The following MUC22 variants were observed in gnomAD, a reference collection of about 807,000 sequenced individuals.
MUC22 encodes mucin 22, also known as mucin-22.
Under a neutral mutation model 40.3 loss-of-function variants are expected in MUC22, and 24 were observed. The observed-to-expected ratio is 0.60, with a 90% CI of 0.43 to 0.84. The LOEUF (loss-of-function observed/expected upper bound fraction) is 0.84. MUC22 is among the 40% of genes least tolerant of loss of function. The pLI is 0.00. For synonymous variants in MUC22, 765 were observed against 844.5 expected, an observed-to-expected ratio of 0.91 and a Z score of 1.63; for missense variants, 1,926 against 2,130.7, an observed-to-expected ratio of 0.90 and a Z score of 1.89.
In MUC22 at chr6:31,011,077, CT is replaced by C. The variant is rs1763838258; in HGVS notation, c.70+304del. Among the ~76,000 whole-genome samples, 2 of 145,410 alleles carry C rather than the reference CT, an allele frequency of 1.4e-5. 1 individual carries two copies. The highest frequency in any genetic ancestry group is 4.3e-4 in the South Asian group (2 of 4,662). On this transcript the variant is annotated intron_variant, in intron 1 of 3. Coordinates refer to ENST00000561890, the Ensembl canonical transcript of MUC22. The surrounding 1 kb of genome is among the most constrained non-coding windows in gnomAD (Gnocchi z 4.5). ...TGGAGGGGGGTGAGATTTTACTTTCCTTTGTATCTTGGATAAAAGTTTTTTT... is the reference window on the plus strand; with the variant it reads ...TGGAGGGGGGTGAGATTTTACTTTCCTTGTATCTTGGATAAAAGTTTTTTT...
At chr6:31,019,059 A>G (rs550327601) in intron 1 of MUC22, among the ~76,000 whole-genome samples, 1 of 152,350 alleles carries the variant, frequency 6.6e-6, no homozygotes, top group Non-Finnish European at 1.5e-5. Flanking sequence ...TTCTCCTCTA[A>G]GAACTAAGTG....
exon 2 of MUC22, chr6:31,027,936 C>G (rs1272727990): frequency 6.5e-7 from 1 of 1,534,842 alleles, no homozygotes; most frequent in Admixed American, 2.0e-5. Context: ...GCTCTGGGAC[C>G]ACTGCAGCCT....
upstream of MUC22, among the ~76,000 whole-genome samples, chr6:31,008,556 T>C (rs1039683628): frequency 1.3e-5 from 2 of 150,258 alleles, no homozygotes; most frequent in Non-Finnish European, 3.0e-5. Flanking sequence ...TTCTTTCTTT[T>C]TTTTTTTTTT....
At chr6:31,031,196 C>T (rs1766037338) in intron 2 of MUC22, among the ~76,000 whole-genome samples, 1 of 152,194 alleles carries the variant, frequency 6.6e-6, no homozygotes, top group South Asian at 2.1e-4. Flanking sequence ...CCGCCACCAC[C>T]GCCTCTGCTG....
chr6:31,018,133 T>G (rs1253116056), intron 1 of MUC22, among the ~76,000 whole-genome samples: 2 of 152,184 alleles, frequency 1.3e-5, no homozygotes, highest in African/African-American at 4.8e-5. Context: ...ACCCACCAAT[T>G]CTGGATACAC....
chr6:31,021,760 C>T (rs9501344), intron 1 of MUC22, among the ~76,000 whole-genome samples: 17,854 of 152,062 alleles, frequency 0.12, 1,258 homozygotes, highest in East Asian at 0.32. Context: ...ACAGACCACT[C>T]GGCTCTACCA....
intron 1 of MUC22, among the ~76,000 whole-genome samples, chr6:31,021,099 G>A (rs1047447598): frequency 6.6e-6 from 1 of 152,260 alleles, no homozygotes; most frequent in African/African-American, 2.4e-5. Flanking sequence ...ACGGGCTGAG[G>A]ACTGTGAGCG....
At chr6:31,020,054 G>A (rs1764556798) in intron 1 of MUC22, among the ~76,000 whole-genome samples, 1 of 152,122 alleles carries the variant, frequency 6.6e-6, no homozygotes, top group African/African-American at 2.4e-5. Context: ...CATGTTTAAA[G>A]AAATAGTAGC....
At chr6:31,018,790 C>G (rs1368454970) in intron 1 of MUC22, among the ~76,000 whole-genome samples, 1 of 152,256 alleles carries the variant, frequency 6.6e-6, no homozygotes, top group Non-Finnish European at 1.5e-5. Context: ...CAGTTAACTG[C>G]CATATTTTTC....
At chr6:31,028,236 C>T (rs1332151488) in exon 2 of MUC22, 2 of 1,534,962 alleles carry the variant, frequency 1.3e-6, no homozygotes, top group South Asian at 2.4e-5. Context: ...GCTCTGAGAC[C>T]ACAGTCTCTA....
At chr6:31,006,262 A>G (rs1763517186), upstream of MUC22, 1 of 233,476 alleles carries the variant, frequency 4.3e-6, no homozygotes, top group Admixed American at 6.2e-5. Context: ...GGCACAGGAA[A>G]TTTTTTAGAC....
At chr6:31,022,076 C>T (rs996569121) in intron 1 of MUC22, among the ~76,000 whole-genome samples, 17 of 152,184 alleles carry the variant, frequency 1.1e-4, no homozygotes, top group African/African-American at 4.1e-4. Flanking sequence ...CAGCTTCACT[C>T]ATGAGCCAGC....
At chr6:31,030,446 G>A (rs1017417709) in intron 2 of MUC22, among the ~76,000 whole-genome samples, 1 of 151,864 alleles carries the variant, frequency 6.6e-6, no homozygotes, top group Non-Finnish European at 1.5e-5. Context: ...GAATCCGGGA[G>A]GTGGAGCTTG....
chr6:31,027,906 C>T (rs1765581122), exon 2 of MUC22: 1 of 1,534,808 alleles, frequency 6.5e-7, no homozygotes, highest in African/African-American at 1.4e-5. Context: ...GTGCTGAGAC[C>T]ACCACAGACT....
intron 1 of MUC22, among the ~76,000 whole-genome samples, chr6:31,018,777 A>G (rs12661157): frequency 0.086 from 13,113 of 152,350 alleles, 673 homozygotes; most frequent in Middle Eastern, 0.17. Context: ...GCAAAAATCA[A>G]TTCAGTTAAC....
upstream of MUC22, chr6:31,006,155 T>C: frequency 2.5e-6 from 1 of 392,346 alleles, no homozygotes; most frequent in Non-Finnish European, 4.9e-6. Flanking sequence ...ATTCATATTT[T>C]CTTGAAAATA....
chr6:31,028,290 G>A (rs1253435747), exon 2 of MUC22: 4 of 1,534,406 alleles, frequency 2.6e-6, no homozygotes, highest in East Asian at 2.5e-5. Flanking sequence ...CAGGCTCTGA[G>A]ACCACTAAAG....
intron 1 of MUC22, among the ~76,000 whole-genome samples, chr6:31,013,366 A>G (rs1760578250): frequency 6.6e-6 from 1 of 151,512 alleles, no homozygotes; most frequent in African/African-American, 2.4e-5. Context: ...AGCTCAGACA[A>G]TCTACCCACC....
exon 2 of MUC22, chr6:31,028,159 A>G: frequency 3.3e-6 from 5 of 1,534,130 alleles, no homozygotes; most frequent in Non-Finnish European, 3.5e-6. Context: ...CATGGTCTCT[A>G]CCACAGGCTC....
Sources: allele counts gnomAD v4.1 joint callset (sites outside exome capture counted in the v4.1 genomes callset), GRCh38; gene constraint gnomAD v4.1.1; non-coding constraint Gnocchi (gnomAD v3.1); transcripts MANE v1.5; gene names NCBI Gene and HGNC (gene_info 2026-07-23, HGNC 2026-07-21).